The following ZDHHC14 variants were observed in gnomAD, a reference collection of about 807,000 sequenced individuals.
ZDHHC14 encodes the protein zDHHC palmitoyltransferase 14, also known as palmitoyltransferase ZDHHC14.
A neutral mutation model predicts 47.7 loss-of-function variants in ZDHHC14; 16 were observed. The observed-to-expected ratio is 0.34, with a 90% confidence interval of 0.23 to 0.51. The LOEUF is 0.51. Ranked by LOEUF, ZDHHC14 falls within the 20% of genes least tolerant of loss-of-function variation. ZDHHC14 has a pLI of 0.97. For missense variants in ZDHHC14, 515 were observed against 662.5 expected (o/e 0.78, Z 2.44); for synonymous variants, 293 against 278.9 (o/e 1.05, Z -0.50).
intron 1 of ZDHHC14, among the ~76,000 whole-genome samples, chr6:157,414,976 T>A (rs571077479): frequency 6.6e-6 from 1 of 152,286 alleles, no homozygotes; most frequent in Non-Finnish European, 1.5e-5. Flanking sequence ...TGTTTGTCTC[T>A]ATAGTTACAA....
chr6:157,493,017 T>G (rs1440044701), intron 1 of ZDHHC14, among the ~76,000 whole-genome samples: 1 of 151,568 alleles, frequency 6.6e-6, no homozygotes, highest in Admixed American at 6.6e-5. Flanking sequence ...CTCTGGAGGG[T>G]TTGAGGCAGG....
chr6:157,512,470 C>T (rs927641548), intron 1 of ZDHHC14, among the ~76,000 whole-genome samples: 1 of 152,334 alleles, frequency 6.6e-6, no homozygotes, highest in African/African-American at 2.4e-5. Context: ...AAGCATAGTC[C>T]GTGGCTCACA....
In ZDHHC14 at chr6:157,573,164, G is replaced by A. The variant is rs576512554; in HGVS notation, c.407-19824G>A. ...TGCACTCGCCATCCCCCTTTCTTTC[G>A]GCCCCACTCCCCTTTCATCTTTCCC... On this transcript the variant is annotated intron_variant, in intron 2 of 8. Coordinates refer to ENST00000359775, the MANE Select transcript of ZDHHC14 (RefSeq NM_024630.3). Among the ~76,000 whole-genome samples the A allele has an allele frequency of 3.3e-5, 5 of 151,962 alleles. No individual in the cohort carries two copies. The South Asian group carries it at 6.3e-4, about 19-fold the overall frequency.
At chr6:157,629,934 A>C (rs1785603953) in intron 4 of ZDHHC14, 1 of 152,252 alleles carries the variant, frequency 6.6e-6, no homozygotes, top group South Asian at 2.1e-4. Flanking sequence ...CTAGGGAAGA[A>C]ATACGAACCG....
intron 5 of ZDHHC14, among the ~76,000 whole-genome samples, 193 bp from the exon 6 acceptor site, chr6:157,645,544 C>T (rs1351818171): frequency 6.6e-6 from 1 of 152,166 alleles, no homozygotes; most frequent in Non-Finnish European, 1.5e-5. Flanking sequence ...AGGTGACACC[C>T]CCTGCCCTGA....
In ZDHHC14 at chr6:157,463,579, A is replaced by G. The variant is rs1779144331; in HGVS notation, c.246-79006A>G. Among the ~76,000 whole-genome samples the G allele has an allele frequency of 6.6e-6, 1 of 152,216 alleles. No individual in the cohort carries two copies. Among genetic ancestry groups the G allele is most frequent in the Non-Finnish European group, 1.5e-5 (1 of 68,034 alleles). On this transcript the variant is annotated intron_variant, in intron 1 of 8. Coordinates refer to ENST00000359775, the MANE Select transcript of ZDHHC14 (RefSeq NM_024630.3). The surrounding 1 kb of genome is among the most constrained non-coding windows in gnomAD (Gnocchi z 4.4). ...GAAAGGAATGTAAGACAGCAGCTCC[A>G]TCCAGTATTCCCACCTGAAGAAGGT...
At chr6:157,557,550 A>G (rs1240983774) in intron 2 of ZDHHC14, among the ~76,000 whole-genome samples, 1 of 152,180 alleles carries the variant, frequency 6.6e-6, no homozygotes. Context: ...CATGCGTTAG[A>G]TGGAAGAATG....
intron 2 of ZDHHC14, among the ~76,000 whole-genome samples, chr6:157,587,872 T>A (rs543361776): frequency 6.6e-6 from 1 of 152,092 alleles, no homozygotes; most frequent in Non-Finnish European, 1.5e-5. Flanking sequence ...TGTAACCACT[T>A]TGGGAGACCA....
At chr6:157,551,818 C>T (rs1034784435) in intron 2 of ZDHHC14, among the ~76,000 whole-genome samples, 7 of 152,166 alleles carry the variant, frequency 4.6e-5, no homozygotes, top group African/African-American at 1.2e-4. Context: ...AGATAAATAG[C>T]GTCTTATTCC....
chr6:157,645,595 A>G, intron 5 of ZDHHC14, 142 bp from the exon 6 acceptor site: 1 of 628,170 alleles, frequency 1.6e-6, no homozygotes, highest in South Asian at 2.0e-5. Flanking sequence ...CCGGAAGAGC[A>G]GGAAGCAAGG....
At chr6:157,546,467 C>A (rs1781976872) in intron 2 of ZDHHC14, among the ~76,000 whole-genome samples, 2 of 152,188 alleles carry the variant, frequency 1.3e-5, no homozygotes, top group Non-Finnish European at 2.9e-5. Context: ...TGTCTTCAAA[C>A]TTCTGAGAGG....
At chr6:157,527,118 G>A (rs536467489) in intron 1 of ZDHHC14, among the ~76,000 whole-genome samples, 7 of 152,246 alleles carry the variant, frequency 4.6e-5, no homozygotes, top group East Asian at 1.9e-4. Context: ...AACCATGGCC[G>A]TAGGTAAGGC....
intron 3 of ZDHHC14, among the ~76,000 whole-genome samples, chr6:157,600,873 C>T (rs1784311741): frequency 6.6e-6 from 1 of 152,224 alleles, no homozygotes. Flanking sequence ...TAAAAGGTGA[C>T]TAATCAGCTG....
rs1427363770 is a variant in ZDHHC14 at position 157,515,441 on chromosome 6, C to CCTTCTT, written c.246-27144_246-27143insCTTCTT. 1.1e-4 allele frequency among the ~76,000 whole-genome samples: 16 copies of CCTTCTT among 148,158 alleles called. No individual in the cohort carries two copies. The East Asian group carries it at 3.2e-3, about 29-fold the overall frequency. On this transcript the variant is annotated intron_variant, in intron 1 of 8. Transcript: ENST00000359775. ...CGAACTGGGCGCACCCTTCATTTCTCTTTCTTTTTCTTTTTCTTTTTTTTT... is the reference window on the plus strand; with the variant it reads ...CGAACTGGGCGCACCCTTCATTTCTCCTTCTTTTTCTTTTTCTTTTTCTTTTTTTTT...
At chr6:157,614,617 A>G (rs780968050) in intron 3 of ZDHHC14, among the ~76,000 whole-genome samples, 3 of 152,136 alleles carry the variant, frequency 2.0e-5, no homozygotes, top group African/African-American at 4.8e-5. Context: ...ATCGCTAGAC[A>G]TCGATCTGCC....
At chr6:157,408,327 A>T (rs1777809229) in intron 1 of ZDHHC14, among the ~76,000 whole-genome samples, 1 of 152,038 alleles carries the variant, frequency 6.6e-6, no homozygotes. Flanking sequence ...GTTCCGGGGT[A>T]CATGTGCAGG....
At chr6:157,647,444 C>A (rs1016493748) in intron 7 of ZDHHC14, 76 bp downstream of exon 7, 2 of 1,198,258 alleles carry the variant, frequency 1.7e-6, no homozygotes, top group East Asian at 4.9e-5. Context: ...ACAGGCCGCC[C>A]GCCCTGGTGG....
intron 3 of ZDHHC14, among the ~76,000 whole-genome samples, chr6:157,622,848 G>A (rs763175965): frequency 2.7e-5 from 4 of 147,276 alleles, no homozygotes; most frequent in African/African-American, 5.0e-5. Flanking sequence ...CCTACTAAAC[G>A]AGATTGAAGA....
At chr6:157,556,310 G>A (rs1172039982) in intron 2 of ZDHHC14, among the ~76,000 whole-genome samples, 3 of 152,148 alleles carry the variant, frequency 2.0e-5, no homozygotes, top group African/African-American at 2.4e-5. Context: ...CGCTGTCCCC[G>A]GGCCCCATGT....
Sources: allele counts gnomAD v4.1 joint callset (sites outside exome capture counted in the v4.1 genomes callset), GRCh38; gene constraint gnomAD v4.1.1; non-coding constraint Gnocchi (gnomAD v3.1); transcripts MANE v1.5; gene names NCBI Gene and HGNC (gene_info 2026-07-23, HGNC 2026-07-21).